Variants in FAM107B observed in about 807,000 individuals in gnomAD.
FAM107B encodes protein FAM107B.
In FAM107B, 21 loss-of-function variants were observed where a neutral mutation model predicts 31.5. The observed-to-expected ratio is 0.67, with a 90% CI of 0.47 to 0.96. FAM107B has a LOEUF of 0.96. FAM107B is among the 40% of genes least tolerant of loss of function. The pLI is 0.00. For synonymous variants in FAM107B, 157 were observed against 141.5 expected, an observed-to-expected ratio of 1.11 and a Z score of -0.78; for missense variants, 452 against 377.1, an observed-to-expected ratio of 1.20 and a Z score of -1.64.
At chr10:14,626,805 A>G (rs749828738) in intron 2 of FAM107B, among the ~76,000 whole-genome samples, 8 of 152,130 alleles carry the variant, frequency 5.3e-5, no homozygotes, top group Non-Finnish European at 1.0e-4. Flanking sequence ...GGTTCCTTTA[A>G]GAGACTCCGT....
At chr10:14,616,156 T>A (rs906114273) in intron 2 of FAM107B, among the ~76,000 whole-genome samples, 5 of 152,220 alleles carry the variant, frequency 3.3e-5, no homozygotes, top group African/African-American at 1.2e-4. Flanking sequence ...ATTGACCTGC[T>A]TGTGGATGAC....
At chr10:14,742,317 T>C (rs1173890003) in intron 1 of FAM107B, among the ~76,000 whole-genome samples, 1 of 148,326 alleles carries the variant, frequency 6.7e-6, no homozygotes, top group Admixed American at 6.7e-5. Flanking sequence ...AGGGTCTCAC[T>C]ATGTTGCCCA....
chr10:14,675,268 G>A (rs796991273), intron 1 of FAM107B, among the ~76,000 whole-genome samples: 32 of 152,234 alleles, frequency 2.1e-4, no homozygotes, highest in African/African-American at 6.0e-4. Context: ...TTATGGCACC[G>A]TGGTCAGGGT....
intron 2 of FAM107B, chr10:14,654,004 C>T (rs1853970859): frequency 6.6e-6 from 1 of 151,994 alleles, no homozygotes; most frequent in Non-Finnish European, 1.5e-5. Flanking sequence ...TTCCTTTCAT[C>T]TCATATTTCT....
intron 2 of FAM107B, among the ~76,000 whole-genome samples, chr10:14,565,936 C>T (rs147921773): frequency 6.0e-4 from 92 of 152,320 alleles, no homozygotes; most frequent in Middle Eastern, 6.8e-3. Flanking sequence ...AGGAACACAA[C>T]CAGAGGGCCC....
chr10:14,713,137 C>G (rs944310259), intron 1 of FAM107B, among the ~76,000 whole-genome samples: 1 of 152,152 alleles, frequency 6.6e-6, no homozygotes, highest in Non-Finnish European at 1.5e-5. Flanking sequence ...ATTAAGTAAA[C>G]CACATTGCTG....
At chr10:14,619,495 G>C (rs1440240936) in intron 2 of FAM107B, among the ~76,000 whole-genome samples, 3 of 152,026 alleles carry the variant, frequency 2.0e-5, no homozygotes, top group African/African-American at 4.8e-5. Context: ...CGAAGCTTCT[G>C]TTCCAGTCTT....
intron 1 of FAM107B, among the ~76,000 whole-genome samples, chr10:14,684,642 A>G (rs1308094604): frequency 6.6e-6 from 1 of 152,150 alleles, no homozygotes; most frequent in African/African-American, 2.4e-5. Flanking sequence ...TCCCGTAAAT[A>G]CATTGTGAAT....
intron 2 of FAM107B, among the ~76,000 whole-genome samples, chr10:14,546,858 C>T (rs532723154): frequency 3.9e-4 from 59 of 152,302 alleles, no homozygotes; most frequent in African/African-American, 1.4e-3. Context: ...TGCTCAAAAA[C>T]GGACACAGAT....
chr10:14,526,705 G>A (rs1350333614), intron 3 of FAM107B, among the ~76,000 whole-genome samples: 1 of 152,180 alleles, frequency 6.6e-6, no homozygotes, highest in Admixed American at 6.5e-5. Flanking sequence ...CCAGGAACAA[G>A]AAGCCACTGA....
At chr10:14,750,276 C>T (rs139337397) in intron 1 of FAM107B, among the ~76,000 whole-genome samples, 40 of 152,280 alleles carry the variant, frequency 2.6e-4, no homozygotes, top group African/African-American at 4.1e-4. Context: ...CACATCGTAA[C>T]GGAAAGACAT....
chr10:14,557,350 A>C (rs1026346228), intron 2 of FAM107B, among the ~76,000 whole-genome samples: 1 of 152,248 alleles, frequency 6.6e-6, no homozygotes, highest in African/African-American at 2.4e-5. Flanking sequence ...AAAGTGATGA[A>C]ATACCTCAAT....
intron 1 of FAM107B, among the ~76,000 whole-genome samples, chr10:14,745,383 C>T (rs2100704): frequency 0.46 from 70,337 of 151,820 alleles, 16,907 homozygotes; most frequent in African/African-American, 0.6. Context: ...GTTCTTTTCG[C>T]TGTGATGTTA....
intron 3 of FAM107B, among the ~76,000 whole-genome samples, chr10:14,522,650 G>C (rs1215015065): frequency 6.6e-6 from 1 of 152,080 alleles, no homozygotes; most frequent in African/African-American, 2.4e-5. Flanking sequence ...TCCTGACCTC[G>C]GGATCCACTC....
intron 2 of FAM107B, among the ~76,000 whole-genome samples, chr10:14,623,859 G>A (rs1389365501): frequency 1.3e-5 from 2 of 152,132 alleles, no homozygotes; most frequent in African/African-American, 4.8e-5. Flanking sequence ...CTTGGGCTAT[G>A]TATCTTAAAG....
chr10:14,595,576 C>A (rs1468830448), intron 2 of FAM107B, among the ~76,000 whole-genome samples: 2 of 152,024 alleles, frequency 1.3e-5, no homozygotes, highest in Non-Finnish European at 2.9e-5. Flanking sequence ...CAGGCGTGCA[C>A]CACCACGCCT....
rs759124546 is a variant in FAM107B at position 14,522,023 on chromosome 10, C to A, written c.654-4G>T. ...TTTGTTCTGAGGAGCAAGACCCCTG[C>A]GAAAGAGCATTAACAAAAATAGAAA... On this transcript the variant is annotated splice_polypyrimidine_tract_variant and splice_region_variant and intron_variant, in intron 3 of 4. Coordinates refer to ENST00000181796, the MANE Select transcript of FAM107B (RefSeq NM_031453.4). 8 of 1,600,494 alleles carry A rather than the reference C, an allele frequency of 5.0e-6. No homozygotes were observed. The highest frequency in any genetic ancestry group is 2.2e-5 in the East Asian group (1 of 44,824).
intron 2 of FAM107B, among the ~76,000 whole-genome samples, chr10:14,599,907 C>T (rs140407005): frequency 1.1e-4 from 16 of 150,624 alleles, no homozygotes; most frequent in Non-Finnish European, 2.1e-4. Context: ...AATCTCAGAA[C>T]TCAATTTTAC....
At chr10:14,748,292 T>C (rs1417551394) in intron 1 of FAM107B, among the ~76,000 whole-genome samples, 1 of 152,180 alleles carries the variant, frequency 6.6e-6, no homozygotes, top group Non-Finnish European at 1.5e-5. Context: ...AAGCAGCACA[T>C]GGGGGTCAAG....
Sources: gnomAD v4.1 joint callset for allele counts (sites outside exome capture counted in the v4.1 genomes callset) on GRCh38, gnomAD v4.1.1 for gene constraint, MANE v1.5 for transcripts, NCBI Gene and HGNC (gene_info 2026-07-23, HGNC 2026-07-21) for gene names.